The following PCDHGB3 variants were observed in gnomAD, a reference collection of about 807,000 sequenced individuals.
PCDHGB3 encodes the protein protocadherin gamma subfamily B, 3.
Under a neutral mutation model 59.2 loss-of-function variants are expected in PCDHGB3, and 40 were observed. That is an observed-to-expected ratio of 0.68 (90% CI 0.52 to 0.88). PCDHGB3 has a LOEUF of 0.88. Among genes scored for constraint, PCDHGB3 ranks in the 40% least tolerant of loss-of-function variants. The pLI, the probability that PCDHGB3 is intolerant of heterozygous loss-of-function variation, is 0.00. For missense variants in PCDHGB3, 1,309 were observed against 1,187.9 expected (o/e 1.10, Z -1.50); for synonymous variants, 581 against 503.6 (o/e 1.15, Z -2.06).
chr5:141,432,069 A>T lies in PCDHGB3; in HGVS notation c.2415+59260A>T. ...ACCCCGCCCCTATCCACGGAAACTC[A>T]TATCTCGCTGAACGTGGCAGACACC... is the stretch of plus-strand genomic sequence containing the variant. On this transcript the variant is annotated intron_variant, in intron 1 of 3. Coordinates refer to ENST00000576222, the MANE Select transcript of PCDHGB3 (RefSeq NM_018924.5). This position sits in a 1 kb window ranked among gnomAD's most constrained non-coding sequence, Gnocchi z 6.0. The T allele has an allele frequency of 6.2e-7, 1 of 1,614,168 alleles. No homozygotes were observed. The highest frequency in any genetic ancestry group is 8.5e-7 in the Non-Finnish European group (1 of 1,180,038).
At position 141,389,024 on chromosome 5, in the gene PCDHGB3, G is replaced by T. The variant is rs776063645; in HGVS notation, c.2415+16215G>T. On this transcript the variant is annotated intron_variant, in intron 1 of 3. Transcript: ENST00000576222. ...AGGATTCCAGACACAATGGAGAAGT[G>T]ACTTGTAAATTGGAAGGTGATGTTC... 4 of 1,613,948 alleles carry T rather than the reference G, an allele frequency of 2.5e-6. No homozygotes were observed. The South Asian group carries it at 4.4e-5, about 18-fold the overall frequency.
rs542548063 is a variant in PCDHGB3, at chr5:141,412,999, C to T, written c.2415+40190C>T. On this transcript the variant is annotated intron_variant, in intron 1 of 3. Coordinates refer to ENST00000576222, the MANE Select transcript of PCDHGB3 (RefSeq NM_018924.5). Reference sequence around the variant, plus strand: ...GCAGCCAGAGCTCAATCCGGATTCTCAGGGCTTCAACTACACAAGCCCCAC... The same window carrying T: ...GCAGCCAGAGCTCAATCCGGATTCTTAGGGCTTCAACTACACAAGCCCCAC... 150 of 588,234 alleles carry T rather than the reference C, an allele frequency of 2.6e-4. 1 individual carries two copies. In the South Asian group the frequency reaches 3.6e-3, roughly 14 times the overall value. 36.4% of individuals were successfully genotyped at this position (588,234 alleles called of 1,614,324 possible). A position where few individuals can be genotyped will look rare whatever the true frequency, so the allele number is the denominator to read the frequency against.
intron 1 of PCDHGB3, chr5:141,430,922 G>A: frequency 1.2e-6 from 2 of 1,607,168 alleles, no homozygotes; most frequent in South Asian, 2.2e-5. Context: ...CCTGGGGCTG[G>A]AGCCCCGGGA....
In PCDHGB3 at chr5:141,371,923, G is replaced by A; in HGVS notation, c.1529G>A (p.Arg510Gln). The A allele has an allele frequency of 2.5e-6, 4 of 1,613,350 alleles. No homozygotes were observed. Among genetic ancestry groups the A allele is most frequent in the African/African-American group, 1.3e-5 (1 of 75,074 alleles). ...TCGTCCTACGTGTCCGTGAGCGCGC[G>A]GAGCGGGGTGGTGTTCGCGCAGCGA... is the stretch of plus-strand genomic sequence containing the variant. ...ELSSYVSVSA[R>Q]SGVVFAQRAF... is the part of the protein sequence containing the mutation. Residue 510 changes from arginine to glutamine, a missense_variant, in exon 1 of 4, where the codon CGG (arginine) becomes CAG (glutamine). Physicochemically the swap from Arg to Gln is conservative, Grantham distance 43. Coordinates refer to ENST00000576222, the MANE Select transcript of PCDHGB3 (RefSeq NM_018924.5).
At chr5:141,405,022 C>T in intron 1 of PCDHGB3, 6 of 1,613,976 alleles carry the variant, frequency 3.7e-6, no homozygotes, top group Non-Finnish European at 5.1e-6. Context: ...CAGACCTTAC[C>T]CTCTACCTCG....
chr5:141,376,204 C>A lies in PCDHGB3; in HGVS notation c.2415+3395C>A, dbSNP rs185484474. 2.5e-6 allele frequency: 4 copies of A among 1,614,198 alleles called. No individual in the cohort carries two copies. In the African/African-American group the frequency reaches 5.3e-5, roughly 22 times the overall value. On this transcript the variant is annotated intron_variant, in intron 1 of 3. Coordinates refer to ENST00000576222, the MANE Select transcript of PCDHGB3 (RefSeq NM_018924.5). The stretch of plus-strand genomic sequence containing the variant: ...CGGTCTCCTGCGTCTTCCTGGCCTT[C>A]GTCATCGTGCTGCTGGCGCTCAGAC...
At chr5:141,471,075 G>T (rs574363005) in intron 1 of PCDHGB3, among the ~76,000 whole-genome samples, 1 of 143,346 alleles carries the variant, frequency 7.0e-6, no homozygotes, top group East Asian at 2.0e-4. Context: ...TTGAGACAGG[G>T]TCTCCCTCTG....
intron 1 of PCDHGB3, chr5:141,427,054 C>T (rs1235803553): frequency 4.4e-6 from 2 of 457,580 alleles, no homozygotes; most frequent in Admixed American, 4.7e-5. Context: ...CCCCCAGGCA[C>T]CTCTGTACTA....
At chr5:141,501,319 A>G (rs2099807834) in intron 2 of PCDHGB3, among the ~76,000 whole-genome samples, 1 of 151,710 alleles carries the variant, frequency 6.6e-6, no homozygotes, top group Non-Finnish European at 1.5e-5. Context: ...ACACACACAC[A>G]CACACACACA....
intron 1 of PCDHGB3, among the ~76,000 whole-genome samples, chr5:141,464,222 G>A (rs1189319398): frequency 2.7e-5 from 4 of 147,818 alleles, no homozygotes; most frequent in African/African-American, 7.5e-5. Flanking sequence ...CTGAGATTGC[G>A]CCACTGCACT....
intron 1 of PCDHGB3, chr5:141,408,334 C>T (rs2095086638): frequency 1.2e-6 from 2 of 1,613,910 alleles, no homozygotes; most frequent in East Asian, 2.2e-5. Context: ...TGGCCAAGGG[C>T]TCGGTGGTGG....
chr5:141,477,224 G>C lies in PCDHGB3; in HGVS notation c.2416-17583G>C. 6.2e-7 allele frequency: 1 copy of C among 1,614,200 alleles called. No individual in the cohort carries two copies. The highest frequency in any genetic ancestry group is 8.5e-7 in the Non-Finnish European group (1 of 1,180,046). Reference sequence around the variant, plus strand: ...ACCCGAGGATGCCCCTCTGGGGACTGTCATCGCTTTGCTCAGTGTGACTGA... The same window carrying C: ...ACCCGAGGATGCCCCTCTGGGGACTCTCATCGCTTTGCTCAGTGTGACTGA... On this transcript the variant is annotated intron_variant, in intron 1 of 3. Transcript: ENST00000576222. The surrounding 1 kb of genome is among the most constrained non-coding windows in gnomAD (Gnocchi z 4.9).
intron 1 of PCDHGB3, chr5:141,375,438 T>TC: frequency 1.2e-6 from 2 of 1,613,806 alleles, no homozygotes; most frequent in African/African-American, 1.3e-5. Flanking sequence ...CCGCCCACCT[T>TC]CCCCCATTCA....
chr5:141,415,961 C>T, intron 1 of PCDHGB3: 1 of 438,836 alleles, frequency 2.3e-6, no homozygotes, highest in Non-Finnish European at 3.6e-6. Context: ...TATTGAAACT[C>T]CAGCCCCTTA....
intron 1 of PCDHGB3, among the ~76,000 whole-genome samples, chr5:141,397,819 A>G (rs1159682049): frequency 6.6e-6 from 1 of 152,240 alleles, no homozygotes; most frequent in African/African-American, 2.4e-5. Flanking sequence ...AAAAACAATT[A>G]CTGCACTGGT....
chr5:141,510,251 C>T (rs569804850), intron 3 of PCDHGB3, among the ~76,000 whole-genome samples: 5 of 144,790 alleles, frequency 3.5e-5, no homozygotes, highest in South Asian at 4.3e-4. Flanking sequence ...CCAGGCTGGG[C>T]GACAGAGCAG....
intron 1 of PCDHGB3, chr5:141,426,867 G>C (rs1436078091): frequency 2.2e-6 from 1 of 456,590 alleles, no homozygotes; most frequent in African/African-American, 2.0e-5. Flanking sequence ...ATTAGTGCTG[G>C]AGAAGCCCCT....
At chr5:141,427,946 T>A (rs769401863) in intron 1 of PCDHGB3, 1 of 1,586,550 alleles carries the variant, frequency 6.3e-7, no homozygotes, top group Middle Eastern at 1.7e-4. Flanking sequence ...GCGACCTCAA[T>A]GACAATGTGC....
intron 1 of PCDHGB3, chr5:141,422,463 C>G (rs1461108652): frequency 6.2e-7 from 1 of 1,613,472 alleles, no homozygotes; most frequent in Non-Finnish European, 8.5e-7. Flanking sequence ...GAGTGCTGGA[C>G]AGGGAGTTGG....
Sources: allele counts gnomAD v4.1 joint callset (sites outside exome capture counted in the v4.1 genomes callset), GRCh38; gene constraint gnomAD v4.1.1; non-coding constraint Gnocchi (gnomAD v3.1); transcripts MANE v1.5; gene names NCBI Gene and HGNC (gene_info 2026-07-23, HGNC 2026-07-21).